FKTN: variants seen among roughly 807,000 people sequenced by gnomAD.
FKTN encodes the protein fukutin, also known as ribitol-5-phosphate transferase FKTN.
FKTN carries 47 observed loss-of-function variants against 58.6 expected under a neutral mutation model. That is an observed-to-expected ratio of 0.80 (90% CI 0.63 to 1.02). The LOEUF (loss-of-function observed/expected upper bound fraction) is 1.02, where lower values mean the gene tolerates loss of function less well. Among genes scored for constraint, FKTN ranks in the 50% least tolerant of loss-of-function variants. The pLI is 0.00. For synonymous variants in FKTN, 178 were observed against 191.9 expected, an observed-to-expected ratio of 0.93 and a Z score of 0.60; for missense variants, 516 against 537.3, an observed-to-expected ratio of 0.96 and a Z score of 0.39.
At position 105,638,417 on chromosome 9, in the gene FKTN, G is replaced by A. The variant is rs952513804; in HGVS notation, c.*3153G>A. The A allele has an allele frequency of 1.0e-6, 1 of 985,260 alleles. No homozygotes were observed. The highest frequency in any genetic ancestry group is 1.2e-6 in the Non-Finnish European group (1 of 829,926). 61.0% of individuals were successfully genotyped at this position (985,260 alleles called of 1,614,324 possible). On this transcript the variant is annotated 3_prime_UTR_variant, in exon 11 of 11. Transcript: ENST00000357998. ...TTATCTGGAAAATGCCTTCTCTCCA[G>A]ACAATAAGACAGTTCACATCTGGAG...
chr9:105,570,320 T>A (rs958455349), intron 1 of FKTN, among the ~76,000 whole-genome samples: 4 of 152,174 alleles, frequency 2.6e-5, no homozygotes, highest in Non-Finnish European at 4.4e-5. Flanking sequence ...GGAAGATGAT[T>A]CATGTACACT....
chr9:105,577,471 A>G (rs1841954028), intron 3 of FKTN, among the ~76,000 whole-genome samples: 1 of 146,558 alleles, frequency 6.8e-6, no homozygotes, highest in Non-Finnish European at 1.5e-5. Flanking sequence ...CAAAGATCAG[A>G]TAGTTGTAGG....
At chr9:105,566,538 A>T (rs1393932930) in intron 1 of FKTN, among the ~76,000 whole-genome samples, 1 of 152,200 alleles carries the variant, frequency 6.6e-6, no homozygotes, top group African/African-American at 2.4e-5. Context: ...TAAACTAGAA[A>T]ATCTAGAAGA....
At chr9:105,613,729 A>G (rs1830334405) in intron 7 of FKTN, among the ~76,000 whole-genome samples, 1 of 152,254 alleles carries the variant, frequency 6.6e-6, no homozygotes, top group Non-Finnish European at 1.5e-5. Context: ...AATTATAGTA[A>G]AAGTATTTAC....
At chr9:105,561,223 A>G (rs1223150073) in intron 1 of FKTN, among the ~76,000 whole-genome samples, 1 of 151,708 alleles carries the variant, frequency 6.6e-6, no homozygotes, top group Non-Finnish European at 1.5e-5. Context: ...GCAGTGAGCT[A>G]TGATTGTGAC....
intron 5 of FKTN, among the ~76,000 whole-genome samples, chr9:105,602,902 C>T (rs1174135774): frequency 6.6e-6 from 1 of 152,028 alleles, no homozygotes; most frequent in African/African-American, 2.4e-5. Context: ...AAAACATCCC[C>T]CAATGTGGAG....
At chr9:105,597,992 A>G (rs1588063074) in intron 4 of FKTN, 1 of 337,520 alleles carries the variant, frequency 3.0e-6, no homozygotes, top group Non-Finnish European at 6.1e-6. Flanking sequence ...GAGAAAGTAC[A>G]GGTTCACTGA....
At chr9:105,611,050 T>G (rs1829835869) in intron 7 of FKTN, among the ~76,000 whole-genome samples, 1 of 151,082 alleles carries the variant, frequency 6.6e-6, no homozygotes, top group Non-Finnish European at 1.5e-5. Context: ...CCTAGGAATA[T>G]CTAGATAACA....
rs1462988330 is a variant in FKTN at position 105,638,063 on chromosome 9, A to G, written c.*2799A>G. 2 of 972,634 alleles carry G rather than the reference A, an allele frequency of 2.1e-6. No individual in the cohort carries two copies. The highest frequency in any genetic ancestry group is 1.2e-6 in the Non-Finnish European group (1 of 818,418). The allele number at this position is 972,634 out of a possible 1,614,324, so 60.3% of individuals were successfully genotyped here. Reference sequence around the variant, plus strand: ...TTGAATCTTAAAAGCTAGAAAAACCATAATGTAATATTCTTTTTAAACCCT... The same window carrying G: ...TTGAATCTTAAAAGCTAGAAAAACCGTAATGTAATATTCTTTTTAAACCCT... On this transcript the variant is annotated 3_prime_UTR_variant, in exon 11 of 11. Coordinates refer to ENST00000357998, the MANE Select transcript of FKTN (RefSeq NM_001079802.2).
In FKTN at chr9:105,601,417, T is replaced by A. The variant is rs1465546143; in HGVS notation, c.369+69T>A. 20 of 1,122,174 alleles carry A rather than the reference T, an allele frequency of 1.8e-5. No individual in the cohort carries two copies. In the South Asian group the frequency reaches 2.4e-4, roughly 13 times the overall value. 69.5% of individuals were successfully genotyped at this position (1,122,174 alleles called of 1,614,324 possible). ...AAAATAGTATAGGTTTAGGCTAGTT[T>A]AAAATGTAAAACATTAAAAATTTTT... On this transcript the variant is annotated intron_variant, in intron 5 of 10. Transcript: ENST00000357998.
chr9:105,599,783 C>T (rs770833780), intron 4 of FKTN, among the ~76,000 whole-genome samples: 8 of 152,108 alleles, frequency 5.3e-5, no homozygotes, highest in African/African-American at 9.7e-5. Context: ...GGATTACAGG[C>T]GTGAGAAGTT....
At chr9:105,610,820 C>CTAA (rs1485766273) in intron 7 of FKTN, among the ~76,000 whole-genome samples, 1 of 152,006 alleles carries the variant, frequency 6.6e-6, no homozygotes, top group Non-Finnish European at 1.5e-5. Flanking sequence ...TCTGCCCCAT[C>CTAA]TAATGGTTTT....
chr9:105,563,299 T>C (rs1838652097), intron 1 of FKTN, among the ~76,000 whole-genome samples: 3 of 152,234 alleles, frequency 2.0e-5, no homozygotes, highest in East Asian at 1.9e-4. Context: ...TATCGGACAG[T>C]GGGTGCAGGA....
chr9:105,611,707 TG>T (rs1274586175), intron 7 of FKTN, among the ~76,000 whole-genome samples: 2 of 152,222 alleles, frequency 1.3e-5, no homozygotes, highest in Non-Finnish European at 2.9e-5. Context: ...TAGTATTCCA[TG>T]GTGTATATAT....
intron 3 of FKTN, among the ~76,000 whole-genome samples, chr9:105,583,930 A>G (rs932709647): frequency 6.6e-6 from 1 of 152,172 alleles, no homozygotes; most frequent in Non-Finnish European, 1.5e-5. Context: ...TGAATTACCC[A>G]TTACTTTAAA....
At chr9:105,591,585 C>T (rs575460630) in intron 3 of FKTN, among the ~76,000 whole-genome samples, 2 of 152,264 alleles carry the variant, frequency 1.3e-5, no homozygotes, top group African/African-American at 4.8e-5. Flanking sequence ...AGGGTTCAGC[C>T]CCCACAACTG....
intron 10 of FKTN, among the ~76,000 whole-genome samples, chr9:105,623,463 C>T (rs1160502342): frequency 6.6e-6 from 1 of 152,082 alleles, no homozygotes; most frequent in African/African-American, 2.4e-5. Flanking sequence ...GTTGTTAATA[C>T]CCCTTCCATG....
At chr9:105,577,681 A>G (rs1487709830) in intron 3 of FKTN, among the ~76,000 whole-genome samples, 2 of 151,258 alleles carry the variant, frequency 1.3e-5, no homozygotes, top group Non-Finnish European at 2.9e-5. Context: ...TGAACTTTAA[A>G]GTAGTTTTTT....
At chr9:105,582,815 C>A (rs1191797921) in intron 3 of FKTN, among the ~76,000 whole-genome samples, 1 of 152,000 alleles carries the variant, frequency 6.6e-6, no homozygotes, top group Non-Finnish European at 1.5e-5. Context: ...AGCAGTATAC[C>A]TGATTTCTCA....
Sources: gnomAD v4.1 joint callset for allele counts (sites outside exome capture counted in the v4.1 genomes callset) on GRCh38, gnomAD v4.1.1 for gene constraint, MANE v1.5 for transcripts, NCBI Gene and HGNC (gene_info 2026-07-23, HGNC 2026-07-21) for gene names.